RAD18: variants seen among roughly 807,000 people sequenced by gnomAD.
RAD18 encodes the protein RAD18 E3 ubiquitin protein ligase.
A neutral mutation model predicts 60.4 loss-of-function variants in RAD18; 47 were observed. The ratio of observed to expected loss-of-function variants is 0.78; its 90% CI spans 0.62 to 0.99. RAD18 has a LOEUF of 0.99. RAD18 is among the 50% of genes least tolerant of loss of function. RAD18 has a pLI of 0.00. For synonymous variants in RAD18, 225 were observed against 195.5 expected (o/e 1.15, Z -1.26); for missense variants, 640 against 593.3 (o/e 1.08, Z -0.82).
intron 7 of RAD18, among the ~76,000 whole-genome samples, chr3:8,919,128 C>CTCTA (rs1365661297): frequency 6.6e-6 from 1 of 152,184 alleles, no homozygotes; most frequent in Non-Finnish European, 1.5e-5. Flanking sequence ...TCACAACAGT[C>CTCTA]TCTAGGTAGC....
chr3:8,958,672 A>C (rs942855277), intron 2 of RAD18, among the ~76,000 whole-genome samples: 10 of 152,240 alleles, frequency 6.6e-5, no homozygotes, highest in African/African-American at 2.4e-4. Flanking sequence ...TTGTGACCAA[A>C]AATTTTACTG....
chr3:8,913,599 C>A (rs1575543168), intron 8 of RAD18, 45 bp downstream of exon 8: 1 of 1,344,038 alleles, frequency 7.4e-7, no homozygotes, highest in Non-Finnish European at 1.0e-6. Flanking sequence ...GGGTATTAAA[C>A]TTTCTTCATT....
chr3:8,897,714 G>A (rs1575535664), intron 11 of RAD18, among the ~76,000 whole-genome samples: 1 of 152,120 alleles, frequency 6.6e-6, no homozygotes, highest in African/African-American at 2.4e-5. Context: ...GATTCTGATA[G>A]GTAGGCATTT....
chr3:8,923,290 G>A (rs1483171083), intron 7 of RAD18, among the ~76,000 whole-genome samples: 3 of 152,206 alleles, frequency 2.0e-5, no homozygotes, highest in Admixed American at 6.5e-5. Context: ...TAGCCGATTC[G>A]ATCAATTGGA....
chr3:8,886,772 G>C (rs11711921), intron 12 of RAD18, among the ~76,000 whole-genome samples: 6 of 152,174 alleles, frequency 3.9e-5, no homozygotes, highest in Admixed American at 2.0e-4. Flanking sequence ...AAGCAGCGGC[G>C]TGTGCAAAGG....
At chr3:8,903,986 C>T (rs1276254166) in intron 9 of RAD18, among the ~76,000 whole-genome samples, 2 of 152,128 alleles carry the variant, frequency 1.3e-5, no homozygotes, top group Non-Finnish European at 2.9e-5. Flanking sequence ...CCATTCACTG[C>T]CTTTGAGCTA....
intron 12 of RAD18, among the ~76,000 whole-genome samples, chr3:8,882,969 G>A (rs147998819): frequency 7.2e-5 from 11 of 152,242 alleles, no homozygotes; most frequent in African/African-American, 2.6e-4. Context: ...TGAAGCAAGG[G>A]AAAAACCCAT....
intron 10 of RAD18, among the ~76,000 whole-genome samples, chr3:8,901,554 A>C (rs1311358591): frequency 6.6e-6 from 1 of 152,228 alleles, no homozygotes. Flanking sequence ...ACACAAAGAC[A>C]AATATTATAC....
At chr3:8,896,896 C>T (rs1939795526) in intron 11 of RAD18, among the ~76,000 whole-genome samples, 1 of 151,924 alleles carries the variant, frequency 6.6e-6, no homozygotes, top group Non-Finnish European at 1.5e-5. Context: ...GAATACATTC[C>T]TTTTAGTCAA....
chr3:8,919,603 C>T (rs935695006), intron 7 of RAD18, among the ~76,000 whole-genome samples: 4 of 152,306 alleles, frequency 2.6e-5, no homozygotes, highest in South Asian at 2.1e-4. Flanking sequence ...TATGTATCCA[C>T]GTGTGCGTAT....
chr3:8,921,268 A>G (rs1030800190), intron 7 of RAD18, among the ~76,000 whole-genome samples: 8 of 152,246 alleles, frequency 5.3e-5, no homozygotes, highest in African/African-American at 1.9e-4. Context: ...ACTTCCAAAT[A>G]AAAAGTTTTT....
intron 9 of RAD18, among the ~76,000 whole-genome samples, chr3:8,908,629 T>G (rs1940055088): frequency 6.6e-6 from 1 of 152,166 alleles, no homozygotes; most frequent in African/African-American, 2.4e-5. Context: ...AGACAATAAA[T>G]TTGTTATTTA....
At chr3:8,896,752 G>A (rs1043030521) in intron 11 of RAD18, among the ~76,000 whole-genome samples, 1 of 152,312 alleles carries the variant, frequency 6.6e-6, no homozygotes, top group East Asian at 1.9e-4. Flanking sequence ...ACAGTGAGAC[G>A]CAGGGTGGCT....
At chr3:8,948,911 T>TG (rs1940882580) in intron 2 of RAD18, among the ~76,000 whole-genome samples, 1 of 152,168 alleles carries the variant, frequency 6.6e-6, no homozygotes, top group Non-Finnish European at 1.5e-5. Context: ...CATTTGAAAA[T>TG]ATAAATTTTG....
intron 10 of RAD18, among the ~76,000 whole-genome samples, chr3:8,900,990 G>T (rs1224999402): frequency 6.6e-6 from 1 of 152,166 alleles, no homozygotes. Context: ...TGCTAAACTA[G>T]TTTCTAGAAA....
chr3:8,903,124 A>G (rs1939943043), intron 9 of RAD18, among the ~76,000 whole-genome samples: 1 of 152,144 alleles, frequency 6.6e-6, no homozygotes, highest in Admixed American at 6.5e-5. Context: ...GCTGCCAAGC[A>G]TAAGAATACA....
intron 7 of RAD18, among the ~76,000 whole-genome samples, chr3:8,920,258 G>T (rs1467802817): frequency 1.2e-4 from 15 of 128,710 alleles, no homozygotes; most frequent in African/African-American, 4.6e-4. Context: ...CAGCCTGGAC[G>T]ACAGAGCGAG....
intron 12 of RAD18, among the ~76,000 whole-genome samples, chr3:8,883,133 A>G (rs6785643): frequency 0.038 from 5,844 of 152,326 alleles, 352 homozygotes; most frequent in African/African-American, 0.13. Context: ...AGAGCAGCCA[A>G]GAGCTGTGGG....
In RAD18 at chr3:8,958,981, C is replaced by A. The variant is rs1941055692; in HGVS notation, c.72G>T (p.Arg24=). The A allele has an allele frequency of 2.5e-6, 4 of 1,613,628 alleles. No homozygotes were observed. Among genetic ancestry groups the A allele is most frequent in the Non-Finnish European group, 3.4e-6 (4 of 1,179,618 alleles). The change falls in exon 2 of 13, where the codon CGG becomes CGT. Residue 24 remains arginine, a synonymous_variant. Coordinates refer to ENST00000264926, the MANE Select transcript of RAD18 (RefSeq NM_020165.4). ...TGAAATACTCGAAGCAAATTCCACA[C>A]CGCAGCAAATCATCTATTGTCTGAA... is the stretch of plus-strand genomic sequence containing the variant. ...AVMKTIDDLL[R]CGICFEYFNI...
Sources: allele counts gnomAD v4.1 joint callset (sites outside exome capture counted in the v4.1 genomes callset), GRCh38; gene constraint gnomAD v4.1.1; transcripts MANE v1.5; gene names NCBI Gene and HGNC (gene_info 2026-07-23, HGNC 2026-07-21).